Variants in TBX15 observed in about 807,000 individuals in gnomAD.
The protein encoded by TBX15 is T-box transcription factor TBX15.
A neutral mutation model predicts 53.9 loss-of-function variants in TBX15; 18 were observed. The ratio of observed to expected loss-of-function variants is 0.33; its 90% CI spans 0.23 to 0.49. The LOEUF (loss-of-function observed/expected upper bound fraction) is 0.49, where lower values mean the gene tolerates loss of function less well. Ranked by LOEUF, TBX15 falls within the 20% of genes least tolerant of loss-of-function variation. The pLI is 0.98. For missense variants in TBX15, 692 were observed against 749.5 expected (o/e 0.92, Z 0.90); for synonymous variants, 295 against 278.0 (o/e 1.06, Z -0.61).
chr1:118,918,302 T>A (rs2101575958), intron 5 of TBX15, among the ~76,000 whole-genome samples: 1 of 152,294 alleles, frequency 6.6e-6, no homozygotes, highest in African/African-American at 2.4e-5. Context: ...ATATACCATT[T>A]AATTAAGCAG....
chr1:118,930,162 AT>A (rs1457967582), intron 2 of TBX15, among the ~76,000 whole-genome samples: 1 of 152,184 alleles, frequency 6.6e-6, no homozygotes, highest in Non-Finnish European at 1.5e-5. Flanking sequence ...GTCATATCTT[AT>A]TGTTTTGGGA....
intron 7 of TBX15, among the ~76,000 whole-genome samples, chr1:118,895,493 A>G (rs572007941): frequency 6.6e-6 from 1 of 152,332 alleles, no homozygotes; most frequent in Admixed American, 6.5e-5. Context: ...GAACAACAAC[A>G]GGATTGCATT....
intron 5 of TBX15, among the ~76,000 whole-genome samples, chr1:118,916,191 T>A (rs1655212186): frequency 6.6e-6 from 1 of 152,182 alleles, no homozygotes; most frequent in African/African-American, 2.4e-5. Context: ...AAGAAGCAGA[T>A]GTGCACTAAC....
intron 1 of TBX15, among the ~76,000 whole-genome samples, chr1:118,936,020 G>A (rs915998377): frequency 1.1e-4 from 17 of 152,114 alleles, no homozygotes; most frequent in African/African-American, 4.1e-4. Context: ...AAAACAGCTG[G>A]CAACTCTGTA....
intron 1 of TBX15, among the ~76,000 whole-genome samples, chr1:118,944,295 G>T (rs1030038217): frequency 6.6e-6 from 1 of 152,272 alleles, no homozygotes; most frequent in African/African-American, 2.4e-5. Flanking sequence ...GGAGGGTGGG[G>T]TGAGGTAAGG....
intron 1 of TBX15, among the ~76,000 whole-genome samples, chr1:118,982,853 G>A (rs989799792): frequency 4.6e-5 from 7 of 152,062 alleles, no homozygotes. Flanking sequence ...CTTCCTTCTG[G>A]GAGTTTCACC....
intron 6 of TBX15, among the ~76,000 whole-genome samples, chr1:118,903,840 C>T (rs1377546285): frequency 1.3e-5 from 2 of 152,104 alleles, no homozygotes; most frequent in African/African-American, 4.8e-5. Context: ...AGTTTCTGAA[C>T]TATGCAGTAA....
At chr1:118,955,179 C>T (rs1364586716) in intron 1 of TBX15, among the ~76,000 whole-genome samples, 2 of 151,968 alleles carry the variant, frequency 1.3e-5, no homozygotes, top group African/African-American at 4.8e-5. Context: ...CTAAAAGGGG[C>T]TTTTAAATAT....
chr1:118,948,200 C>T (rs978557291), intron 1 of TBX15, among the ~76,000 whole-genome samples: 4 of 152,044 alleles, frequency 2.6e-5, no homozygotes, highest in African/African-American at 9.7e-5. Flanking sequence ...ACATACGTAG[C>T]AACTTTTCAC....
intron 7 of TBX15, among the ~76,000 whole-genome samples, chr1:118,891,808 G>A (rs940815764): frequency 3.3e-5 from 5 of 152,114 alleles, no homozygotes; most frequent in Admixed American, 6.6e-5. Context: ...TCTTTTATGG[G>A]TGCCTACATT....
chr1:118,891,463 G>A (rs190074962), intron 7 of TBX15, among the ~76,000 whole-genome samples: 1 of 152,106 alleles, frequency 6.6e-6, no homozygotes, highest in East Asian at 1.9e-4. Flanking sequence ...CTTCTTTCTG[G>A]CAACAGTATC....
chr1:118,957,967 G>A (rs1656749318), intron 1 of TBX15, among the ~76,000 whole-genome samples: 1 of 152,162 alleles, frequency 6.6e-6, no homozygotes, highest in Non-Finnish European at 1.5e-5. Flanking sequence ...GCACACGTAT[G>A]TTTATTGCGG....
At chr1:118,922,466 A>C (rs1296905957) in intron 5 of TBX15, among the ~76,000 whole-genome samples, 1 of 152,220 alleles carries the variant, frequency 6.6e-6, no homozygotes, top group Non-Finnish European at 1.5e-5. Flanking sequence ...CAGTGAATTT[A>C]TACACGTTTC....
chr1:118,953,172 A>T (rs998641100), intron 1 of TBX15, among the ~76,000 whole-genome samples: 4 of 152,120 alleles, frequency 2.6e-5, no homozygotes, highest in African/African-American at 9.7e-5. Flanking sequence ...GTATTTTTTC[A>T]CACTAGTGAT....
chr1:118,977,682 GGT>G (rs1327371862), intron 1 of TBX15, among the ~76,000 whole-genome samples: 1 of 152,206 alleles, frequency 6.6e-6, no homozygotes, highest in Non-Finnish European at 1.5e-5. Context: ...AACCCTCCTA[GGT>G]GTATGCTGGG....
intron 1 of TBX15, among the ~76,000 whole-genome samples, chr1:118,965,519 G>T: frequency 6.6e-6 from 1 of 152,178 alleles, no homozygotes; most frequent in Middle Eastern, 3.4e-3. Flanking sequence ...AGGGTAATCT[G>T]GAATAACCAT....
At chr1:118,977,782 G>T (rs1657484824) in intron 1 of TBX15, among the ~76,000 whole-genome samples, 1 of 152,212 alleles carries the variant, frequency 6.6e-6, no homozygotes, top group African/African-American at 2.4e-5. Flanking sequence ...CTATCTTGTT[G>T]ACAAGCGTTT....
rs1425126866 is a variant in TBX15 at position 118,987,666 on chromosome 1, T to C, written c.130A>G (p.Met44Val). ...GGGCCCGCGGGGCTCAGCGCCTCCA[T>C]AGACAGGTCCAGCCCCTTCTCCTCC... is the stretch of plus-strand genomic sequence containing the variant. ...DWEEKGLDLS[M>V]EALSPAGPLG... Residue 44 changes from methionine (M) to valine (V), a missense_variant, in exon 1 of 8, where the codon ATG becomes GTG. This residue lies in a region of TBX15 where 307 missense variants were observed against 347.5 expected (regional missense o/e 0.88). Transcript: ENST00000369429. 4.5e-6 allele frequency: 7 copies of C among 1,550,136 alleles called. No homozygotes were observed. In the East Asian group the frequency reaches 1.7e-4, roughly 38 times the overall value.
chr1:118,934,981 T>C (rs995035867), intron 1 of TBX15, among the ~76,000 whole-genome samples: 2 of 152,210 alleles, frequency 1.3e-5, no homozygotes, highest in Non-Finnish European at 2.9e-5. Context: ...ATATGCAATC[T>C]TCTATTCTCA....
Sources: allele counts gnomAD v4.1 joint callset (sites outside exome capture counted in the v4.1 genomes callset), GRCh38; gene constraint gnomAD v4.1.1; regional missense constraint gnomAD v4.1.1; transcripts MANE v1.5; gene names NCBI Gene and HGNC (gene_info 2026-07-23, HGNC 2026-07-21).